Variants in ACMSD observed in about 807,000 individuals in gnomAD.
The protein encoded by ACMSD is 2-amino-3-carboxymuconate-6-semialdehyde decarboxylase.
A neutral mutation model predicts 45.9 loss-of-function variants in ACMSD; 37 were observed. The observed-to-expected ratio is 0.81, with a 90% CI of 0.62 to 1.06. The LOEUF (loss-of-function observed/expected upper bound fraction) is 1.06. Ranked by LOEUF, ACMSD falls within the 50% of genes least tolerant of loss-of-function variation. The pLI, the probability that ACMSD is intolerant of heterozygous loss-of-function variation, is 0.00. For synonymous variants in ACMSD, 138 were observed against 148.8 expected (o/e 0.93, Z 0.53); for missense variants, 434 against 420.9 (o/e 1.03, Z -0.27).
chr2:134,872,519 C>A lies in ACMSD; in HGVS notation c.727C>A (p.Arg243Ser), dbSNP rs766223313. 1.0e-4 allele frequency: 164 copies of A among 1,614,020 alleles called. No individual in the cohort carries two copies. The highest frequency in any genetic ancestry group is 1.4e-4 in the Non-Finnish European group (161 of 1,180,022). Reference sequence around the variant, plus strand: ...AAGAATCTCCCATGGATTCAGCATGCGCCCAGATCTGTGTGCCCAGGACAA... The same window carrying A: ...AAGAATCTCCCATGGATTCAGCATGAGCCCAGATCTGTGTGCCCAGGACAA... ...VGRISHGFSM[R>S]PDLCAQDNPM... The change falls in exon 8 of 10, where the codon CGC becomes AGC. Residue 243 changes from arginine to serine, a missense_variant. Coordinates refer to ENST00000356140, the MANE Select transcript of ACMSD (RefSeq NM_138326.3).
At chr2:134,866,593 T>C (rs1688106593) in intron 5 of ACMSD, among the ~76,000 whole-genome samples, 2 of 152,146 alleles carry the variant, frequency 1.3e-5, no homozygotes, top group Admixed American at 1.3e-4. Flanking sequence ...TGCTTTTCCA[T>C]TTTAAAAATG....
At chr2:134,846,963 G>T (rs550687203) in intron 2 of ACMSD, among the ~76,000 whole-genome samples, 3 of 152,152 alleles carry the variant, frequency 2.0e-5, no homozygotes, top group Admixed American at 6.5e-5. Context: ...TTTTCCAAGT[G>T]GGGGAACAGC....
intron 8 of ACMSD, among the ~76,000 whole-genome samples, chr2:134,880,396 A>C (rs1048292994): frequency 1.3e-5 from 2 of 152,134 alleles, no homozygotes; most frequent in Admixed American, 1.3e-4. Context: ...TTATGTGTTA[A>C]TGATTTCCTT....
intron 7 of ACMSD, 82 bp from the exon 8 acceptor site, chr2:134,872,387 G>A: frequency 6.6e-7 from 1 of 1,525,100 alleles, no homozygotes; most frequent in Non-Finnish European, 9.0e-7. Flanking sequence ...CTGGCCTACA[G>A]TAACTTCTTG....
Position 134,863,641 on chromosome 2 carries a change from G to C in ACMSD, c.486+10G>C. On this transcript the variant is annotated intron_variant, in intron 5 of 9. Transcript: ENST00000356140. Reference sequence around the variant, plus strand: ...CTTTCCTGTCTATGCGGTGAGTAGCGGGGCTGCTCAGCCAACGCCAGCCGC... The same window carrying C: ...CTTTCCTGTCTATGCGGTGAGTAGCCGGGCTGCTCAGCCAACGCCAGCCGC... The C allele has an allele frequency of 6.2e-7, 1 of 1,612,378 alleles. No homozygotes were observed. Among genetic ancestry groups the C allele is most frequent in the Non-Finnish European group, 8.5e-7 (1 of 1,178,908 alleles).
At chr2:134,850,151 T>G (rs1687266620) in intron 2 of ACMSD, among the ~76,000 whole-genome samples, 1 of 146,998 alleles carries the variant, frequency 6.8e-6, no homozygotes, top group Non-Finnish European at 1.5e-5. Context: ...CAAAACAAAA[T>G]AGTAGAATGC....
chr2:134,852,229 A>C (rs1450348788), intron 2 of ACMSD, among the ~76,000 whole-genome samples: 1 of 152,228 alleles, frequency 6.6e-6, no homozygotes, highest in Non-Finnish European at 1.5e-5. Flanking sequence ...GGGAAACGGG[A>C]ATCCATTCAA....
Position 134,838,720 on chromosome 2 carries a change from A to T in ACMSD, c.38A>T (p.Glu13Val), listed in dbSNP as rs750615358. Reference sequence around the variant, plus strand: ...ATCCATAGTCATATTCTACCAAAAGAATGGCCAGATCTAAAAAAGGTAATG... The same window carrying T: ...ATCCATAGTCATATTCTACCAAAAGTATGGCCAGATCTAAAAAAGGTAATG... The part of the protein sequence containing the change: ...IDIHSHILPK[E>V]WPDLKKRFGY... Residue 13 changes from glutamate to valine, a missense_variant, in exon 1 of 10, where the codon GAA (glutamate) becomes GTA (valine). Physicochemically the swap from Glu to Val is moderately radical, Grantham distance 121. Coordinates refer to ENST00000356140, the MANE Select transcript of ACMSD (RefSeq NM_138326.3). 2 of 1,612,084 alleles carry T rather than the reference A, an allele frequency of 1.2e-6. No homozygotes were observed. Among genetic ancestry groups the T allele is most frequent in the East Asian group, 4.5e-5 (2 of 44,846 alleles).
At chr2:134,901,025 AACCCTG>A (rs1488988466) in intron 9 of ACMSD, among the ~76,000 whole-genome samples, 2 of 152,192 alleles carry the variant, frequency 1.3e-5, no homozygotes, top group Non-Finnish European at 2.9e-5. Context: ...ATTGGGGAAG[AACCCTG>A]AGTAAGAGGT....
intron 2 of ACMSD, among the ~76,000 whole-genome samples, chr2:134,848,673 T>C (rs1484868759): frequency 6.6e-6 from 1 of 152,216 alleles, no homozygotes; most frequent in Non-Finnish European, 1.5e-5. Context: ...TTCTGGATAT[T>C]AGCCCTTTGT....
At position 134,838,725 on chromosome 2, in the gene ACMSD, C is replaced by A. The variant is rs749426315; in HGVS notation, c.43C>A (p.Pro15Thr). Reference sequence around the variant, plus strand: ...TAGTCATATTCTACCAAAAGAATGGCCAGATCTAAAAAAGGTAATGGTAAT... The same window carrying A: ...TAGTCATATTCTACCAAAAGAATGGACAGATCTAAAAAAGGTAATGGTAAT... ...IHSHILPKEW[P>T]DLKKRFGYGG... The change falls in exon 1 of 10, where the codon CCA becomes ACA. Residue 15 changes from proline to threonine, a missense_variant. By Grantham distance (38) the Pro-to-Thr change is conservative. Coordinates refer to ENST00000356140, the MANE Select transcript of ACMSD (RefSeq NM_138326.3). 2 of 1,610,384 alleles carry A rather than the reference C, an allele frequency of 1.2e-6. No homozygotes were observed. The highest frequency in any genetic ancestry group is 1.7e-6 in the Non-Finnish European group (2 of 1,177,284).
chr2:134,847,853 T>A (rs1418343857), intron 2 of ACMSD, among the ~76,000 whole-genome samples: 1 of 109,134 alleles, frequency 9.2e-6, no homozygotes, highest in Non-Finnish European at 1.7e-5. Context: ...TTTCTTCTTT[T>A]TCTTTTTTTT....
rs112503692 is a variant in ACMSD at position 134,845,509 on chromosome 2, G to C, written c.102+232G>C. Reference sequence around the variant, plus strand: ...TTGGAATTTGAGAACACATTAAAAGGTCTCTCTCTCTCTCTCTCTCTCTCT... The same window carrying C: ...TTGGAATTTGAGAACACATTAAAAGCTCTCTCTCTCTCTCTCTCTCTCTCT... On this transcript the variant is annotated intron_variant, in intron 2 of 9. Coordinates refer to ENST00000356140, the MANE Select transcript of ACMSD (RefSeq NM_138326.3). 7.6e-3 allele frequency among the ~76,000 whole-genome samples: 720 copies of C among 94,436 alleles called. 4 individuals carry two copies. Among genetic ancestry groups the C allele is most frequent in the Middle Eastern group, 0.046 (5 of 108 alleles). 62.0% of individuals were successfully genotyped at this position (94,436 alleles called of 152,430 possible). A position where few individuals can be genotyped will look rare whatever the true frequency, so the allele number is the denominator to read the frequency against.
chr2:134,869,294 C>A (rs1688298121), intron 6 of ACMSD, among the ~76,000 whole-genome samples: 1 of 152,036 alleles, frequency 6.6e-6, no homozygotes, highest in South Asian at 2.1e-4. Context: ...CTCACTGCAA[C>A]CTCTGCCTCC....
At chr2:134,873,594 A>C (rs1365020437) in intron 8 of ACMSD, 1 of 152,216 alleles carries the variant, frequency 6.6e-6, no homozygotes, top group Non-Finnish European at 1.5e-5. Context: ...TGAAAGTTGC[A>C]AGTAGTGGTT....
intron 2 of ACMSD, among the ~76,000 whole-genome samples, chr2:134,853,555 G>C (rs1687445155): frequency 2.0e-5 from 3 of 152,168 alleles, no homozygotes; most frequent in African/African-American, 4.8e-5. Context: ...GCTGAGGTCA[G>C]TGTTAAAAAC....
chr2:134,893,924 G>A (rs1323682629), intron 8 of ACMSD, among the ~76,000 whole-genome samples: 1 of 152,120 alleles, frequency 6.6e-6, no homozygotes, highest in Non-Finnish European at 1.5e-5. Flanking sequence ...GACATGAATA[G>A]AATACAAAAA....
intron 8 of ACMSD, among the ~76,000 whole-genome samples, chr2:134,888,625 T>C (rs568129267): frequency 2.0e-4 from 30 of 151,770 alleles, no homozygotes; most frequent in African/African-American, 7.3e-4. Context: ...TCTGACAAAA[T>C]GGAATACTAC....
chr2:134,842,766 T>C lies in ACMSD; in HGVS notation c.58-2467T>C, dbSNP rs536438225. Among the ~76,000 whole-genome samples the C allele has an allele frequency of 2.6e-5, 4 of 152,316 alleles. No individual in the cohort carries two copies. In the East Asian group the frequency reaches 5.8e-4, roughly 22 times the overall value. On this transcript the variant is annotated intron_variant, in intron 1 of 9. Coordinates refer to ENST00000356140, the MANE Select transcript of ACMSD (RefSeq NM_138326.3). ...TATGTCCCCACCACTCCTCTTAGCC[T>C]CATTTCATTAACACACATAAGGATA...
Sources: allele counts gnomAD v4.1 joint callset (sites outside exome capture counted in the v4.1 genomes callset), GRCh38; gene constraint gnomAD v4.1.1; transcripts MANE v1.5; gene names NCBI Gene and HGNC (gene_info 2026-07-23, HGNC 2026-07-21).